ANKS1B: variants seen among roughly 807,000 people sequenced by gnomAD.
ANKS1B encodes ankyrin repeat and sterile alpha motif domain-containing protein 1B.
In ANKS1B, 36 loss-of-function variants were observed where a neutral mutation model predicts 148.3. The ratio of observed to expected loss-of-function variants is 0.24; its 90% CI spans 0.19 to 0.32. ANKS1B has a LOEUF of 0.32. ANKS1B is among the 10% of genes least tolerant of loss of function. The pLI is 1.00. For synonymous variants in ANKS1B, 542 were observed against 560.8 expected, an observed-to-expected ratio of 0.97 and a Z score of 0.47; for missense variants, 1,157 against 1,542.6, an observed-to-expected ratio of 0.75 and a Z score of 4.19.
intron 12 of ANKS1B, among the ~76,000 whole-genome samples, chr12:99,334,810 TC>T (rs2088440541): frequency 6.6e-6 from 1 of 152,080 alleles, no homozygotes; most frequent in African/African-American, 2.4e-5. Flanking sequence ...AGGCAAGGTG[TC>T]CCAGGAGACT....
intron 17 of ANKS1B, among the ~76,000 whole-genome samples, chr12:98,923,079 G>A (rs1014379129): frequency 6.6e-6 from 1 of 152,100 alleles, no homozygotes; most frequent in African/African-American, 2.4e-5. Context: ...GGGTCATAGA[G>A]GTATATCCCT....
Position 98,924,674 on chromosome 12 carries a change from T to C in ANKS1B, c.2779-92538A>G, listed in dbSNP as rs990310375. Reference sequence around the variant, plus strand: ...CGGGGTGATGCAATCCCTCTGCTAATTCTTAGATGGTCTTATGGTGTCAGA... The same window carrying C: ...CGGGGTGATGCAATCCCTCTGCTAACTCTTAGATGGTCTTATGGTGTCAGA... On this transcript the variant is annotated intron_variant, in intron 17 of 26. Coordinates refer to ENST00000683438, the MANE Select transcript of ANKS1B (RefSeq NM_001352186.2). Among the ~76,000 whole-genome samples, 26 of 152,342 alleles carry C rather than the reference T, an allele frequency of 1.7e-4. No homozygotes were observed. In the South Asian group the frequency reaches 5.0e-3, roughly 29 times the overall value.
intron 8 of ANKS1B, among the ~76,000 whole-genome samples, chr12:99,698,829 C>CTCT (rs953722689): frequency 1.3e-5 from 2 of 152,042 alleles, no homozygotes; most frequent in Non-Finnish European, 2.9e-5. Context: ...CCATCGATTT[C>CTCT]TCTCCTTAAG....
intron 14 of ANKS1B, among the ~76,000 whole-genome samples, chr12:99,161,403 C>T (rs2076645374): frequency 6.6e-6 from 1 of 152,040 alleles, no homozygotes; most frequent in African/African-American, 2.4e-5. Flanking sequence ...ATGGCATGTG[C>T]CTATCATCCC....
intron 12 of ANKS1B, among the ~76,000 whole-genome samples, chr12:99,308,656 A>T (rs1006832881): frequency 6.6e-6 from 1 of 151,882 alleles, no homozygotes; most frequent in African/African-American, 2.4e-5. Context: ...TCCAAAAAAA[A>T]CTTTGTTGAA....
At chr12:99,050,264 A>T (rs2099965115) in intron 17 of ANKS1B, among the ~76,000 whole-genome samples, 2 of 152,168 alleles carry the variant, frequency 1.3e-5, no homozygotes, top group South Asian at 4.1e-4. Context: ...CCTTTTTCTC[A>T]TTTTAAAACC....
intron 8 of ANKS1B, among the ~76,000 whole-genome samples, chr12:99,759,469 T>C (rs1448164698): frequency 6.6e-6 from 1 of 151,982 alleles, no homozygotes. Context: ...ATTTCAGCAA[T>C]TTTTTCTGGG....
At chr12:99,363,126 C>T (rs114125073) in intron 12 of ANKS1B, among the ~76,000 whole-genome samples, 2,725 of 152,002 alleles carry the variant, frequency 0.018, 82 homozygotes, top group African/African-American at 0.06. Flanking sequence ...TAAAAGACTC[C>T]TTCCTCTACT....
chr12:98,977,453 G>A (rs2099898860), intron 17 of ANKS1B, among the ~76,000 whole-genome samples: 1 of 152,066 alleles, frequency 6.6e-6, no homozygotes, highest in Non-Finnish European at 1.5e-5. Context: ...AAAACTGAAG[G>A]CATTTATCCA....
intron 17 of ANKS1B, among the ~76,000 whole-genome samples, chr12:99,050,907 C>G (rs2099965603): frequency 6.6e-6 from 1 of 151,486 alleles, no homozygotes; most frequent in Admixed American, 6.6e-5. Flanking sequence ...ACCATGTTAG[C>G]CAGGATGGTC....
chr12:99,583,137 T>C (rs2097586453), intron 9 of ANKS1B, among the ~76,000 whole-genome samples: 1 of 152,142 alleles, frequency 6.6e-6, no homozygotes, highest in East Asian at 1.9e-4. Flanking sequence ...GAAGACTATG[T>C]CATTGGTTTT....
chr12:99,499,922 C>T (rs541654373), intron 10 of ANKS1B, among the ~76,000 whole-genome samples: 40 of 151,792 alleles, frequency 2.6e-4, no homozygotes, highest in African/African-American at 8.7e-4. Context: ...GCATTAGCAC[C>T]GAGATTGGGC....
intron 17 of ANKS1B, among the ~76,000 whole-genome samples, chr12:99,033,159 C>A (rs1407091150): frequency 6.6e-6 from 1 of 152,172 alleles, no homozygotes; most frequent in Non-Finnish European, 1.5e-5. Context: ...CCATTTCAAC[C>A]AATGAATGCA....
intron 12 of ANKS1B, among the ~76,000 whole-genome samples, chr12:99,257,346 C>T (rs1240327716): frequency 1.3e-5 from 2 of 152,176 alleles, no homozygotes; most frequent in African/African-American, 2.4e-5. Flanking sequence ...TGCCTCTTTG[C>T]CCCTCTGTGA....
chr12:99,008,180 T>A (rs1568331471), intron 17 of ANKS1B, among the ~76,000 whole-genome samples: 1 of 152,182 alleles, frequency 6.6e-6, no homozygotes, highest in Non-Finnish European at 1.5e-5. Flanking sequence ...GTATCAGTTC[T>A]CAGACAAAAG....
intron 17 of ANKS1B, among the ~76,000 whole-genome samples, chr12:98,918,315 G>C (rs2099797126): frequency 6.6e-6 from 1 of 152,226 alleles, no homozygotes. Context: ...TAAAAGGAGT[G>C]ATGAAGTACA....
chr12:99,666,200 T>A (rs2098505976), intron 8 of ANKS1B, among the ~76,000 whole-genome samples: 1 of 152,244 alleles, frequency 6.6e-6, no homozygotes. Context: ...AATACCACAT[T>A]GATAGACGTT....
intron 1 of ANKS1B, among the ~76,000 whole-genome samples, chr12:99,872,248 A>G (rs61940320): frequency 0.2 from 30,585 of 152,030 alleles, 3,348 homozygotes; most frequent in Non-Finnish European, 0.25. Flanking sequence ...ATGTGTATGT[A>G]TGTGCATGTG....
chr12:99,269,817 C>T (rs2076844715), intron 12 of ANKS1B, among the ~76,000 whole-genome samples: 1 of 152,146 alleles, frequency 6.6e-6, no homozygotes, highest in African/African-American at 2.4e-5. Context: ...CCTCCACCTT[C>T]CAAAGTGCTG....
Sources: gnomAD v4.1 joint callset for allele counts (sites outside exome capture counted in the v4.1 genomes callset) on GRCh38, gnomAD v4.1.1 for gene constraint, MANE v1.5 for transcripts, NCBI Gene and HGNC (gene_info 2026-07-23, HGNC 2026-07-21) for gene names.